KIRREL1: variants seen among roughly 807,000 people sequenced by gnomAD.
KIRREL1 encodes the protein kin of IRRE-like protein 1.
Under a neutral mutation model 83.3 loss-of-function variants are expected in KIRREL1, and 25 were observed. That is an observed-to-expected ratio of 0.30 (90% CI 0.22 to 0.42). KIRREL1 has a LOEUF of 0.42. Among genes scored for constraint, KIRREL1 ranks in the 10% least tolerant of loss-of-function variants. The probability of loss-of-function intolerance (pLI) is 1.00; values close to 1 mark genes in which losing one functional copy is unlikely to be tolerated. For synonymous variants in KIRREL1, 388 were observed against 410.4 expected (o/e 0.95, Z 0.66); for missense variants, 812 against 1,032.3 (o/e 0.79, Z 2.92).
At position 158,094,680 on chromosome 1, in the gene KIRREL1, G is replaced by A; in HGVS notation, c.1834G>A (p.Glu612Lys). The change falls in exon 15 of 15, where the codon GAA becomes AAA. Residue 612 changes from glutamate (E) to lysine (K), a missense_variant. By Grantham distance (56) the Glu-to-Lys change is moderately conservative (BLOSUM62 1). Coordinates refer to ENST00000359209, the MANE Select transcript of KIRREL1 (RefSeq NM_018240.7). This position sits in a 1 kb window ranked among gnomAD's most constrained non-coding sequence, Gnocchi z 4.6. ...TNGYYNVRAH[E>K]DRPSSRAVLY... Reference sequence around the variant, plus strand: ...TGGCTACTACAACGTGCGTGCCCATGAAGACCGCCCGTCTTCCAGGGCAGT... The same window carrying A: ...TGGCTACTACAACGTGCGTGCCCATAAAGACCGCCCGTCTTCCAGGGCAGT... The A allele has an allele frequency of 6.2e-7, 1 of 1,609,254 alleles. No individual in the cohort carries two copies. Among genetic ancestry groups the A allele is most frequent in the Non-Finnish European group, 8.5e-7 (1 of 1,179,490 alleles).
chr1:158,093,863 G>T lies in KIRREL1; in HGVS notation c.1719+101G>T, dbSNP rs530149238. ...ACCGCGGTCATTCTCTCCTTCCTCAGTCGGTCTTCCCTGGTCCTGCCACAC... is the reference window on the plus strand; with the variant it reads ...ACCGCGGTCATTCTCTCCTTCCTCATTCGGTCTTCCCTGGTCCTGCCACAC... On this transcript the variant is annotated intron_variant, in intron 13 of 14. Coordinates refer to ENST00000359209, the MANE Select transcript of KIRREL1 (RefSeq NM_018240.7). 2.3e-6 allele frequency: 3 copies of T among 1,305,824 alleles called. No individual in the cohort carries two copies. In the Admixed American group the frequency reaches 5.7e-5, roughly 25 times the overall value. 80.9% of individuals were successfully genotyped at this position (1,305,824 alleles called of 1,614,324 possible).
chr1:158,090,417 G>T (rs998064186), intron 10 of KIRREL1, among the ~76,000 whole-genome samples: 14 of 151,948 alleles, frequency 9.2e-5, no homozygotes, highest in African/African-American at 3.4e-4. Context: ...AATTCCTTCC[G>T]TGACTATTAA....
intron 1 of KIRREL1, among the ~76,000 whole-genome samples, chr1:158,059,752 G>A (rs1337805295): frequency 6.6e-6 from 1 of 152,074 alleles, no homozygotes; most frequent in Non-Finnish European, 1.5e-5. Context: ...GTAAAGTTTG[G>A]CTTATTATGT....
Position 158,078,373 on chromosome 1 carries a change from C to CCTCT in KIRREL1, c.352+234_352+235insTCTC, listed in dbSNP as rs539029747. On this transcript the variant is annotated intron_variant, in intron 3 of 14. Transcript: ENST00000359209. ...AGGCCCAGCATCCTCTCTGCCGCAGCCAGTGCCTCGGCCACTCAGGGACAG... is the reference window on the plus strand; with the variant it reads ...AGGCCCAGCATCCTCTCTGCCGCAGCCTCTCAGTGCCTCGGCCACTCAGGGACAG... Among the ~76,000 whole-genome samples the CCTCT allele has an allele frequency of 6.8e-3, 1,037 of 152,324 alleles. 9 individuals carry two copies. The highest frequency in any genetic ancestry group is 0.011 in the South Asian group (54 of 4,828).
At position 158,099,912 on chromosome 1, in the gene KIRREL1, A is replaced by G. The variant is rs544088063; in HGVS notation, c.*4792A>G. The G allele has an allele frequency of 6.6e-5, 10 of 152,140 alleles. No individual in the cohort carries two copies. The East Asian group carries it at 9.7e-4, about 15-fold the overall frequency. 9.4% of individuals were successfully genotyped at this position (152,140 alleles called of 1,614,324 possible). Reference sequence around the variant, plus strand: ...GACCCAGAAAATTTTGAGAAGTCCAATTTCACCAGAAGAGGCCCAGGGCTC... The same window carrying G: ...GACCCAGAAAATTTTGAGAAGTCCAGTTTCACCAGAAGAGGCCCAGGGCTC... On this transcript the variant is annotated 3_prime_UTR_variant, in exon 15 of 15. Transcript: ENST00000359209.
intron 1 of KIRREL1, among the ~76,000 whole-genome samples, chr1:158,075,568 G>A (rs1661654975): frequency 6.6e-6 from 1 of 152,246 alleles, no homozygotes; most frequent in Non-Finnish European, 1.5e-5. Flanking sequence ...CTACCCTGAT[G>A]TATTCGTGGA....
Position 158,100,250 on chromosome 1 carries a change from GT to G in KIRREL1, c.*5134del, listed in dbSNP as rs1662459287. 6.7e-6 allele frequency: 1 copy of G among 149,470 alleles called. No individual in the cohort carries two copies. Among genetic ancestry groups the G allele is most frequent in the Non-Finnish European group, 1.5e-5 (1 of 67,596 alleles). 9.3% of individuals were successfully genotyped at this position (149,470 alleles called of 1,614,324 possible). On this transcript the variant is annotated 3_prime_UTR_variant, in exon 15 of 15. Coordinates refer to ENST00000359209, the MANE Select transcript of KIRREL1 (RefSeq NM_018240.7). ...TTTTTTTATATATATAAATATAAAT[GT>G]TTTAAAAAGTACCATGTTTTGTGTT...
At chr1:158,059,928 G>A (rs1329373473) in intron 1 of KIRREL1, among the ~76,000 whole-genome samples, 1 of 152,070 alleles carries the variant, frequency 6.6e-6, no homozygotes, top group Non-Finnish European at 1.5e-5. Flanking sequence ...GTGGACATTG[G>A]GTTCGGGGTT....
intron 3 of KIRREL1, among the ~76,000 whole-genome samples, chr1:158,080,748 G>A (rs968568897): frequency 3.6e-4 from 55 of 152,124 alleles, no homozygotes; most frequent in Non-Finnish European, 6.8e-4. Flanking sequence ...GAGCAGACCA[G>A]GAGGCCCTTC....
At chr1:158,023,167 G>T (rs999469484) in intron 1 of KIRREL1, among the ~76,000 whole-genome samples, 1 of 152,202 alleles carries the variant, frequency 6.6e-6, no homozygotes, top group Non-Finnish European at 1.5e-5. Flanking sequence ...CATCATTCCA[G>T]GCCCCATTTT....
At position 158,100,220 on chromosome 1, in the gene KIRREL1, T is replaced by C. The variant is rs944635105; in HGVS notation, c.*5100T>C. 1.3e-5 allele frequency: 2 copies of C among 148,932 alleles called. No homozygotes were observed. Among genetic ancestry groups the C allele is most frequent in the Non-Finnish European group, 3.0e-5 (2 of 67,346 alleles). The allele number at this position is 148,932 out of a possible 1,614,324, so 9.2% of individuals were successfully genotyped here. ...TCAAACACACTATATATTATATATATTTAATTTTTTTATATATATAAATAT... is the reference window on the plus strand; with the variant it reads ...TCAAACACACTATATATTATATATACTTAATTTTTTTATATATATAAATAT... On this transcript the variant is annotated 3_prime_UTR_variant, in exon 15 of 15. Transcript: ENST00000359209.
intron 10 of KIRREL1, among the ~76,000 whole-genome samples, 188 bp from the exon 11 acceptor site, chr1:158,091,170 T>A (rs1662184583): frequency 6.6e-6 from 1 of 152,110 alleles, no homozygotes; most frequent in South Asian, 2.1e-4. Context: ...TTGAGTGGAG[T>A]GTCAGTGCCG....
Position 158,014,963 on chromosome 1 carries a change from T to C in KIRREL1, c.52+21235T>C, listed in dbSNP as rs558169606. On this transcript the variant is annotated intron_variant, in intron 1 of 14. Transcript: ENST00000359209. ...CCACTAATTCCTCTTTGAATGCTTC[T>C]TAGGATTTTTCCAGCAGGCTTAATC... Among the ~76,000 whole-genome samples the C allele has an allele frequency of 1.1e-4, 16 of 152,284 alleles. No homozygotes were observed. The East Asian group carries it at 3.1e-3, about 29-fold the overall frequency.
chr1:158,094,926 C>T lies in KIRREL1; in HGVS notation c.2080C>T (p.Pro694Ser), dbSNP rs1443017678. The T allele has an allele frequency of 1.9e-6, 3 of 1,614,114 alleles. No homozygotes were observed. Among genetic ancestry groups the T allele is most frequent in the Admixed American group, 1.7e-5 (1 of 60,012 alleles). The stretch of plus-strand genomic sequence containing the variant: ...GAACTATGAGAAGTTCAACTCCCAT[C>T]CCTTCCCTGGGGCAGCTGGGTACCC... Reference protein sequence around the residue: ...YENYEKFNSHPFPGAAGYPTY... With the variant: ...YENYEKFNSHSFPGAAGYPTY... The change falls in exon 15 of 15, where the codon CCC (proline) becomes TCC (serine). Residue 694 changes from proline to serine, a missense_variant. Physicochemically the swap from Pro to Ser is moderately conservative, Grantham distance 74. Around this residue, in one of 3 missense-constraint regions of KIRREL1, gnomAD observed 334 missense variants for 383.7 expected, o/e 0.87. Coordinates refer to ENST00000359209, the MANE Select transcript of KIRREL1 (RefSeq NM_018240.7). The surrounding 1 kb of genome is among the most constrained non-coding windows in gnomAD (Gnocchi z 4.6).
chr1:158,036,181 C>T (rs1244134111), intron 1 of KIRREL1, among the ~76,000 whole-genome samples: 5 of 152,160 alleles, frequency 3.3e-5, no homozygotes, highest in Admixed American at 2.6e-4. Context: ...GCAAATGGCG[C>T]CCCCTGGAGC....
chr1:158,069,485 C>G (rs1661451421), intron 1 of KIRREL1, among the ~76,000 whole-genome samples: 1 of 152,172 alleles, frequency 6.6e-6, no homozygotes, highest in African/African-American at 2.4e-5. Flanking sequence ...TGGCCTAGCT[C>G]TGGACCCCAG....
intron 8 of KIRREL1, among the ~76,000 whole-genome samples, 186 bp downstream of exon 8, chr1:158,088,640 A>G (rs1662096549): frequency 2.7e-5 from 4 of 150,684 alleles, no homozygotes; most frequent in Admixed American, 6.6e-5. Flanking sequence ...GCCCGCTACC[A>G]CGCCCGGCTA....
At chr1:158,048,842 G>T (rs1187339743) in intron 1 of KIRREL1, among the ~76,000 whole-genome samples, 1 of 152,166 alleles carries the variant, frequency 6.6e-6, no homozygotes, top group Admixed American at 6.5e-5. Context: ...CATTGACCGA[G>T]AGAGTGTAAA....
chr1:158,075,612 T>A (rs1481526472), intron 1 of KIRREL1, among the ~76,000 whole-genome samples: 1 of 152,178 alleles, frequency 6.6e-6, no homozygotes, highest in Admixed American at 6.5e-5. Context: ...ACATGAGTGT[T>A]GGTTCACATT....
Sources: allele counts gnomAD v4.1 joint callset (sites outside exome capture counted in the v4.1 genomes callset), GRCh38; gene constraint gnomAD v4.1.1; regional missense constraint gnomAD v4.1.1; non-coding constraint Gnocchi (gnomAD v3.1); transcripts MANE v1.5; gene names NCBI Gene and HGNC (gene_info 2026-07-23, HGNC 2026-07-21).